HDAC9: variants seen among roughly 807,000 people sequenced by gnomAD.
The protein encoded by HDAC9 is MEF-2 interacting transcription repressor (MITR) protein.
Under a neutral mutation model 139.4 loss-of-function variants are expected in HDAC9, and 41 were observed. The observed-to-expected ratio is 0.29, with a 90% CI of 0.23 to 0.38. The LOEUF (loss-of-function observed/expected upper bound fraction) is 0.38. HDAC9 is among the 10% of genes least tolerant of loss of function. The pLI, the probability that HDAC9 is intolerant of heterozygous loss-of-function variation, is 1.00. For synonymous variants in HDAC9, 517 were observed against 476.2 expected (o/e 1.09, Z -1.12); for missense variants, 1,147 against 1,297.0 (o/e 0.88, Z 1.78).
intron 1 of HDAC9, among the ~76,000 whole-genome samples, chr7:18,339,954 G>A (rs538408416): frequency 4.6e-5 from 7 of 151,516 alleles, no homozygotes; most frequent in African/African-American, 1.7e-4. Flanking sequence ...CTGATTTTCT[G>A]TCTATGTTTT....
At chr7:18,760,820 G>GTCAGATAT (rs1279414264) in intron 14 of HDAC9, among the ~76,000 whole-genome samples, 1 of 152,214 alleles carries the variant, frequency 6.6e-6, no homozygotes, top group African/African-American at 2.4e-5. Context: ...CTGAGAAATT[G>GTCAGATAT]TCAGATATTG....
At chr7:18,367,965 T>C (rs959499750) in intron 1 of HDAC9, among the ~76,000 whole-genome samples, 4 of 152,150 alleles carry the variant, frequency 2.6e-5, no homozygotes, top group African/African-American at 9.6e-5. Flanking sequence ...TTATTCAACA[T>C]AGTGTTTCGA....
Position 18,998,238 on chromosome 7 carries a change from T to G in HDAC9, c.*2176T>G, listed in dbSNP as rs1786574138. On this transcript the variant is annotated 3_prime_UTR_variant, in exon 26 of 26. Coordinates refer to ENST00000686413, the MANE Select transcript of HDAC9 (RefSeq NM_178425.4). ...TTAGTCCTCCCAGATATTTTTTTAG[T>G]TGTTGAATAAGAAAATAAAACAGTG... The G allele has an allele frequency of 2.0e-5, 3 of 152,218 alleles. No individual in the cohort carries two copies. Among genetic ancestry groups the G allele is most frequent in the African/African-American group, 4.8e-5 (2 of 41,460 alleles). The allele number at this position is 152,218 out of a possible 1,614,324, so 9.4% of individuals were successfully genotyped here.
At chr7:18,796,699 A>G (rs1459940002) in intron 17 of HDAC9, among the ~76,000 whole-genome samples, 1 of 152,262 alleles carries the variant, frequency 6.6e-6, no homozygotes, top group Non-Finnish European at 1.5e-5. Context: ...ATTGGAAATC[A>G]TAATTGGAAG....
intron 21 of HDAC9, among the ~76,000 whole-genome samples, chr7:18,858,367 TC>T (rs1797848433): frequency 6.6e-6 from 1 of 152,116 alleles, no homozygotes; most frequent in South Asian, 2.1e-4. Context: ...GGGAGGCACC[TC>T]TTCACGAGGC....
At chr7:18,167,868 T>G (rs542574689) in intron 2 of HDAC9, among the ~76,000 whole-genome samples, 116 of 152,290 alleles carry the variant, frequency 7.6e-4, no homozygotes, top group African/African-American at 2.5e-3. Context: ...GTCTTAAAAT[T>G]TTATACCTAG....
intron 11 of HDAC9, among the ~76,000 whole-genome samples, chr7:18,658,272 C>A (rs1261731530): frequency 6.6e-6 from 1 of 152,016 alleles, no homozygotes; most frequent in Non-Finnish European, 1.5e-5. Context: ...ATATAGTAAA[C>A]GCTCAATAAA....
intron 21 of HDAC9, among the ~76,000 whole-genome samples, chr7:18,873,355 G>T (rs1016421904): frequency 6.6e-6 from 1 of 152,116 alleles, no homozygotes; most frequent in African/African-American, 2.4e-5. Context: ...TTGAAGGATA[G>T]AATTTTTATG....
chr7:18,130,644 T>A (rs1473085531), intron 1 of HDAC9, among the ~76,000 whole-genome samples: 1 of 152,170 alleles, frequency 6.6e-6, no homozygotes, highest in Non-Finnish European at 1.5e-5. Context: ...TCTCTTTAGC[T>A]GTCACCCCTA....
At chr7:18,954,029 C>A in intron 23 of HDAC9, 117 bp from the exon 24 acceptor site, 1 of 684,422 alleles carries the variant, frequency 1.5e-6, no homozygotes, top group Non-Finnish European at 2.5e-6. Context: ...AAAATGTTAA[C>A]TAGTTCTCGG....
intron 1 of HDAC9, among the ~76,000 whole-genome samples, chr7:18,115,246 T>G (rs796982065): frequency 2.2e-4 from 33 of 151,272 alleles, no homozygotes; most frequent in African/African-American, 7.5e-4. Flanking sequence ...TGAGCAGAGA[T>G]TGTGCCACTG....
chr7:18,833,177 A>AT (rs1283190960), intron 19 of HDAC9, among the ~76,000 whole-genome samples: 1 of 152,258 alleles, frequency 6.6e-6, no homozygotes, highest in Non-Finnish European at 1.5e-5. Flanking sequence ...GGATTTATGT[A>AT]TTTTAATAAT....
chr7:18,991,378 T>C (rs2158494), intron 25 of HDAC9, among the ~76,000 whole-genome samples: 99,991 of 152,128 alleles, frequency 0.66, 33,791 homozygotes, highest in East Asian at 0.81. Context: ...CAGTGGCTCA[T>C]GCCTGTAATC....
rs147027054 is a variant in HDAC9, at chr7:18,334,220, C to CA, written c.-42+43711dup. 1.0e-3 allele frequency among the ~76,000 whole-genome samples: 153 copies of CA among 151,292 alleles called. 3 individuals carry two copies. In the East Asian group the frequency reaches 0.02, roughly 19 times the overall value. On this transcript the variant is annotated intron_variant, in intron 1 of 3. Coordinates refer to the HDAC9 transcript ENST00000413509. ...TAAAACCTGACAGAATATCATATCACAAAAAATCTACAGACCAATAATTTT... is the reference window on the plus strand; with the variant it reads ...TAAAACCTGACAGAATATCATATCACAAAAAAATCTACAGACCAATAATTTT...
intron 16 of HDAC9, among the ~76,000 whole-genome samples, chr7:18,790,873 C>A (rs1353521168): frequency 6.6e-6 from 1 of 152,180 alleles, no homozygotes; most frequent in Non-Finnish European, 1.5e-5. Context: ...GCTCAACATT[C>A]TTTATGATCA....
At position 18,138,908 on chromosome 7, in the gene HDAC9, A is replaced by G. The variant is rs142837403; in HGVS notation, c.-96-23321A>G. ...GGCACTCTAGAATAATGATTCTAGC[A>G]TGAGACATGGTAATCTCAACAAATA... On this transcript the variant is annotated intron_variant, in intron 1 of 12. Coordinates refer to the HDAC9 transcript ENST00000417496. Among the ~76,000 whole-genome samples the G allele has an allele frequency of 4.3e-3, 656 of 152,194 alleles. 3 individuals are homozygous for G. The highest frequency in any genetic ancestry group is 6.8e-3 in the Non-Finnish European group (459 of 67,990).
intron 1 of HDAC9, among the ~76,000 whole-genome samples, chr7:18,346,938 T>C (rs1216041349): frequency 6.6e-6 from 1 of 152,156 alleles, no homozygotes; most frequent in East Asian, 1.9e-4. Flanking sequence ...TGTTCAGTCT[T>C]TCCTAATTCA....
At chr7:18,347,503 A>T (rs939416808) in intron 1 of HDAC9, among the ~76,000 whole-genome samples, 1 of 152,052 alleles carries the variant, frequency 6.6e-6, no homozygotes, top group Non-Finnish European at 1.5e-5. Flanking sequence ...AAAAACAACA[A>T]CTCCCATGTA....
intron 22 of HDAC9, among the ~76,000 whole-genome samples, chr7:18,898,955 G>A (rs1038530365): frequency 5.9e-5 from 9 of 151,828 alleles, no homozygotes; most frequent in Non-Finnish European, 1.3e-4. Flanking sequence ...CTTAAAAGAC[G>A]AAAGAAGGTA....
Sources: gnomAD v4.1 joint callset for allele counts (sites outside exome capture counted in the v4.1 genomes callset) on GRCh38, gnomAD v4.1.1 for gene constraint, MANE v1.5 for transcripts, NCBI Gene and HGNC (gene_info 2026-07-23, HGNC 2026-07-21) for gene names.